The following PDE7A variants were observed in gnomAD, a reference collection of about 807,000 sequenced individuals.
The protein encoded by PDE7A is phosphodiesterase 7A, also known as high affinity 3',5'-cyclic-AMP phosphodiesterase 7A.
Under a neutral mutation model 64.3 loss-of-function variants are expected in PDE7A, and 39 were observed. That is an observed-to-expected ratio of 0.61 (90% CI 0.47 to 0.79). PDE7A has a LOEUF of 0.79. Among genes scored for constraint, PDE7A ranks in the 30% least tolerant of loss-of-function variants. The pLI is 0.00. For missense variants in PDE7A, 470 were observed against 582.8 expected (o/e 0.81, Z 1.99); for synonymous variants, 203 against 206.8 (o/e 0.98, Z 0.16).
At chr8:65,807,552 C>T (rs1385525337) in intron 1 of PDE7A, among the ~76,000 whole-genome samples, 1 of 151,976 alleles carries the variant, frequency 6.6e-6, no homozygotes, top group African/African-American at 2.4e-5. Context: ...TGGCTAGAAC[C>T]TTTAGTTCAA....
At chr8:65,821,770 A>G (rs1810547021) in intron 1 of PDE7A, among the ~76,000 whole-genome samples, 1 of 152,238 alleles carries the variant, frequency 6.6e-6, no homozygotes, top group Non-Finnish European at 1.5e-5. Context: ...TCTAAAAACT[A>G]TAAAATATAT....
rs183225656 is a variant in PDE7A, at chr8:65,775,903, C to T, written c.283+3817G>A. On this transcript the variant is annotated intron_variant, in intron 3 of 12. Transcript: ENST00000401827. ...CTCGGCTTTCCAAAGTGCTAGATTA[C>T]GGGCGTGAGCCACCATGCCCGGCCT... Among the ~76,000 whole-genome samples the T allele has an allele frequency of 7.2e-5, 11 of 152,276 alleles. No individual in the cohort carries two copies. In the East Asian group the frequency reaches 1.5e-3, roughly 21 times the overall value.
At chr8:65,742,056 C>T (rs967880980) in intron 5 of PDE7A, among the ~76,000 whole-genome samples, 1 of 152,036 alleles carries the variant, frequency 6.6e-6, no homozygotes, top group Non-Finnish European at 1.5e-5. Flanking sequence ...GAACACAAGT[C>T]AACAAAATAT....
chr8:65,799,957 C>T (rs1302774552), intron 1 of PDE7A, among the ~76,000 whole-genome samples: 1 of 152,150 alleles, frequency 6.6e-6, no homozygotes, highest in East Asian at 1.9e-4. Context: ...TAGGGACTCA[C>T]AAAGGAAAAT....
chr8:65,782,050 A>G (rs1809433577), intron 2 of PDE7A, among the ~76,000 whole-genome samples: 1 of 152,238 alleles, frequency 6.6e-6, no homozygotes, highest in African/African-American at 2.4e-5. Context: ...GTGGCAAAGA[A>G]GAAAACAAAA....
At chr8:65,801,158 C>CA (rs1447053481) in intron 1 of PDE7A, among the ~76,000 whole-genome samples, 1 of 152,008 alleles carries the variant, frequency 6.6e-6, no homozygotes, top group African/African-American at 2.4e-5. Context: ...AAAATAAAAA[C>CA]AAAAAACACA....
chr8:65,739,762 T>C (rs925683847), intron 5 of PDE7A, among the ~76,000 whole-genome samples, 165 bp from the exon 6 acceptor site: 2 of 152,242 alleles, frequency 1.3e-5, no homozygotes, highest in African/African-American at 4.8e-5. Context: ...ACTTTATATG[T>C]CACATCTTGT....
chr8:65,758,075 G>A (rs1808319829), intron 3 of PDE7A, among the ~76,000 whole-genome samples: 1 of 152,128 alleles, frequency 6.6e-6, no homozygotes, highest in Non-Finnish European at 1.5e-5. Flanking sequence ...TGGTCTCTGT[G>A]CTAGTCCAGA....
chr8:65,763,422 G>C (rs997144689), intron 3 of PDE7A, among the ~76,000 whole-genome samples: 2 of 152,038 alleles, frequency 1.3e-5, no homozygotes, highest in African/African-American at 4.8e-5. Flanking sequence ...AAAATTAGCT[G>C]GGCGTGGTGG....
intron 1 of PDE7A, among the ~76,000 whole-genome samples, chr8:65,786,522 C>T (rs558522282): frequency 5.3e-5 from 8 of 152,170 alleles, no homozygotes; most frequent in African/African-American, 7.2e-5. Context: ...AAAATTTGAC[C>T]TCCGTGTTAG....
intron 1 of PDE7A, among the ~76,000 whole-genome samples, chr8:65,813,300 C>T (rs1275786500): frequency 6.6e-6 from 1 of 151,994 alleles, no homozygotes; most frequent in Non-Finnish European, 1.5e-5. Context: ...TACTGCAGCA[C>T]TGTTTGAAAG....
chr8:65,787,072 G>A (rs1251557663), intron 1 of PDE7A, among the ~76,000 whole-genome samples: 5 of 152,140 alleles, frequency 3.3e-5, no homozygotes, highest in African/African-American at 1.2e-4. Flanking sequence ...AGACAGACAT[G>A]TTTTAAAACC....
At chr8:65,743,476 T>A (rs995376256) in intron 5 of PDE7A, among the ~76,000 whole-genome samples, 6 of 152,204 alleles carry the variant, frequency 3.9e-5, no homozygotes, top group African/African-American at 1.4e-4. Context: ...AGGGTGGCTC[T>A]GCTGATAAAG....
At chr8:65,780,710 C>G (rs561298743) in intron 2 of PDE7A, 1 of 152,176 alleles carries the variant, frequency 6.6e-6, no homozygotes, top group South Asian at 2.1e-4. Flanking sequence ...GGATTTAAAC[C>G]CAGCTCCATG....
intron 3 of PDE7A, among the ~76,000 whole-genome samples, chr8:65,755,274 G>C: frequency 6.6e-6 from 1 of 152,084 alleles, no homozygotes; most frequent in South Asian, 2.1e-4. Context: ...ACCCGCCTCA[G>C]CCTCCCAAAG....
chr8:65,819,922 G>A (rs1298569133), intron 1 of PDE7A, among the ~76,000 whole-genome samples: 4 of 152,166 alleles, frequency 2.6e-5, no homozygotes, highest in Non-Finnish European at 5.9e-5. Context: ...ATGGCAAACT[G>A]TCCTGAATTT....
chr8:65,719,358 T>G lies in PDE7A; in HGVS notation c.1381A>C (p.Ser461Arg). 6.2e-7 allele frequency: 1 copy of G among 1,614,180 alleles called. No individual in the cohort carries two copies. The highest frequency in any genetic ancestry group is 8.5e-7 in the Non-Finnish European group (1 of 1,179,980). ...WKGLQREQSS[S>R]EDTDAAFELN... is the part of the protein sequence containing the mutation. ...TCAAATGCAGCATCAGTGTCCTCAC[T>G]GCTCGACTGTTCTCTCTGCAGTCCC... Residue 461 changes from serine (S) to arginine (R), a missense_variant, in exon 13 of 13, where the codon AGT (serine) becomes CGT (arginine). Physicochemically the swap from Ser to Arg is moderately radical, Grantham distance 110 (BLOSUM62 -1). Coordinates refer to ENST00000401827, the MANE Select transcript of PDE7A (RefSeq NM_001242318.3).
At chr8:65,764,517 T>C (rs1229012952) in intron 3 of PDE7A, among the ~76,000 whole-genome samples, 1 of 151,930 alleles carries the variant, frequency 6.6e-6, no homozygotes, top group African/African-American at 2.4e-5. Context: ...AAGAGAAAAA[T>C]ACTATAATGA....
intron 1 of PDE7A, chr8:65,838,486 G>A (rs1811002068): frequency 6.6e-6 from 1 of 152,118 alleles, no homozygotes. Flanking sequence ...GGCATCCTTG[G>A]AAGAGCTGGT....
Sources: gnomAD v4.1 joint callset for allele counts (sites outside exome capture counted in the v4.1 genomes callset) on GRCh38, gnomAD v4.1.1 for gene constraint, MANE v1.5 for transcripts, NCBI Gene and HGNC (gene_info 2026-07-23, HGNC 2026-07-21) for gene names.